RNF152: variants seen among roughly 807,000 people sequenced by gnomAD.
RNF152 encodes ring finger protein 152, also known as E3 ubiquitin-protein ligase RNF152.
RNF152 carries 11 observed loss-of-function variants against 12.7 expected under a neutral mutation model. The ratio of observed to expected loss-of-function variants is 0.86; its 90% CI spans 0.54 to 1.43. RNF152 has a LOEUF of 1.43. RNF152 is among the 40% of genes most tolerant of loss of function. The probability of loss-of-function intolerance (pLI) is 0.00; values close to 1 mark genes in which losing one functional copy is unlikely to be tolerated. For synonymous variants in RNF152, 113 were observed against 120.3 expected (o/e 0.94, Z 0.40); for missense variants, 255 against 274.8 (o/e 0.93, Z 0.51).
chr18:61,871,773 G>C (rs1912007398), intron 1 of RNF152, among the ~76,000 whole-genome samples: 1 of 152,068 alleles, frequency 6.6e-6, no homozygotes, highest in Non-Finnish European at 1.5e-5. Context: ...CAGAGCCCTT[G>C]GTCTATCAAG....
intron 1 of RNF152, among the ~76,000 whole-genome samples, chr18:61,876,068 G>A (rs1912201015): frequency 6.6e-6 from 1 of 151,900 alleles, no homozygotes; most frequent in Non-Finnish European, 1.5e-5. Flanking sequence ...CATACTACCA[G>A]TCCCAGTCAT....
At chr18:61,816,904 G>A (rs1474000741) in intron 1 of RNF152, among the ~76,000 whole-genome samples, 1 of 152,184 alleles carries the variant, frequency 6.6e-6, no homozygotes, top group Non-Finnish European at 1.5e-5. Context: ...GTACATTTAA[G>A]CAAGCTCTGG....
intron 1 of RNF152, among the ~76,000 whole-genome samples, chr18:61,854,009 G>A (rs1770616162): frequency 6.6e-6 from 1 of 152,148 alleles, no homozygotes. Flanking sequence ...GTCCAGGGTT[G>A]ACTTGCCCAG....
chr18:61,880,559 C>T (rs1057171324), intron 1 of RNF152, among the ~76,000 whole-genome samples: 32 of 152,290 alleles, frequency 2.1e-4, no homozygotes, highest in Non-Finnish European at 4.3e-4. Flanking sequence ...AGCACCCAAG[C>T]GTCTAATAAA....
chr18:61,821,767 T>A (rs946593651), intron 1 of RNF152, among the ~76,000 whole-genome samples: 1 of 152,230 alleles, frequency 6.6e-6, no homozygotes, highest in East Asian at 1.9e-4. Context: ...AGATCAGCGA[T>A]GGCATTAGAT....
chr18:61,842,528 T>G (rs546842119), intron 1 of RNF152, among the ~76,000 whole-genome samples: 14 of 152,360 alleles, frequency 9.2e-5, no homozygotes, highest in South Asian at 6.2e-4. Flanking sequence ...CAAGAGACTC[T>G]TCTCTGGCCT....
At chr18:61,851,165 C>A (rs143663791) in intron 1 of RNF152, among the ~76,000 whole-genome samples, 24 of 152,162 alleles carry the variant, frequency 1.6e-4, no homozygotes, top group African/African-American at 5.5e-4. Context: ...ACCTTTCTGA[C>A]CCATCAGAAA....
intron 1 of RNF152, among the ~76,000 whole-genome samples, chr18:61,833,531 T>C (rs1910045455): frequency 6.6e-6 from 1 of 152,172 alleles, no homozygotes; most frequent in Admixed American, 6.6e-5. Flanking sequence ...TCTAATGGAA[T>C]ATCAATGAAA....
chr18:61,832,251 G>A (rs770192536), intron 1 of RNF152, among the ~76,000 whole-genome samples: 2 of 152,172 alleles, frequency 1.3e-5, no homozygotes, highest in Non-Finnish European at 2.9e-5. Context: ...TTTCAGATGT[G>A]CACAAGTAGG....
chr18:61,862,081 T>C (rs1197225603), intron 1 of RNF152, among the ~76,000 whole-genome samples: 1 of 152,154 alleles, frequency 6.6e-6, no homozygotes, highest in Admixed American at 6.5e-5. Context: ...CTGGACATTC[T>C]AATTCAGGTC....
Position 61,828,988 on chromosome 18 carries a change from C to T in RNF152, c.-135-12390G>A, listed in dbSNP as rs188317979. ...AGGAAGGATTTTTCAAGAAAAAGTA[C>T]CATTTCAATGTCAAGGGTGAGGACT... On this transcript the variant is annotated intron_variant, in intron 1 of 1. Coordinates refer to ENST00000312828, the MANE Select transcript of RNF152 (RefSeq NM_173557.3). Among the ~76,000 whole-genome samples, 14 of 152,178 alleles carry T rather than the reference C, an allele frequency of 9.2e-5. No homozygotes were observed. In the East Asian group the frequency reaches 2.7e-3, roughly 29 times the overall value.
intron 1 of RNF152, among the ~76,000 whole-genome samples, chr18:61,859,212 G>A (rs1440231114): frequency 1.3e-5 from 2 of 152,148 alleles, no homozygotes; most frequent in African/African-American, 4.8e-5. Flanking sequence ...CAAACCAATT[G>A]TTTCAAATAA....
chr18:61,837,581 T>C (rs767689899), intron 1 of RNF152, among the ~76,000 whole-genome samples: 2 of 152,206 alleles, frequency 1.3e-5, no homozygotes, highest in African/African-American at 2.4e-5. Flanking sequence ...TTAATTACTA[T>C]GGACTTATCT....
At chr18:61,885,803 C>G (rs1187219314) in intron 1 of RNF152, among the ~76,000 whole-genome samples, 1 of 151,914 alleles carries the variant, frequency 6.6e-6, no homozygotes, top group Non-Finnish European at 1.5e-5. Context: ...GGTATTGAAG[C>G]CTTTAATTAT....
intron 1 of RNF152, among the ~76,000 whole-genome samples, chr18:61,863,034 A>C (rs1430308890): frequency 1.3e-5 from 2 of 152,228 alleles, no homozygotes; most frequent in African/African-American, 4.8e-5. Context: ...CACACAGCCC[A>C]AAATACTATC....
At chr18:61,883,018 C>T (rs909495410) in intron 1 of RNF152, among the ~76,000 whole-genome samples, 29 of 152,152 alleles carry the variant, frequency 1.9e-4, no homozygotes, top group Admixed American at 1.1e-3. Context: ...TCAGCTCATA[C>T]ATAAACACAC....
chr18:61,812,086 C>T lies in RNF152; in HGVS notation c.*3766G>A, dbSNP rs1908831390. On this transcript the variant is annotated 3_prime_UTR_variant, in exon 2 of 2. Coordinates refer to ENST00000312828, the MANE Select transcript of RNF152 (RefSeq NM_173557.3). ...AGCCCACAAACTCTCACCTTAGCCTCACTGTTACTCCATTAATACCTTGAT... is the reference window on the plus strand; with the variant it reads ...AGCCCACAAACTCTCACCTTAGCCTTACTGTTACTCCATTAATACCTTGAT... The T allele has an allele frequency of 6.6e-6, 1 of 152,180 alleles. No individual in the cohort carries two copies. The highest frequency in any genetic ancestry group is 1.9e-4 in the East Asian group (1 of 5,200). 9.4% of individuals were successfully genotyped at this position (152,180 alleles called of 1,614,324 possible). A position where few individuals can be genotyped will look rare whatever the true frequency, so the allele number is the denominator to read the frequency against.
intron 1 of RNF152, among the ~76,000 whole-genome samples, chr18:61,863,305 C>T (rs1231524158): frequency 1.3e-5 from 2 of 151,970 alleles, no homozygotes; most frequent in Non-Finnish European, 1.5e-5. Context: ...CGTGGTGACA[C>T]ACGCCTGTAG....
intron 1 of RNF152, among the ~76,000 whole-genome samples, chr18:61,844,093 A>AGAAG (rs780848925): frequency 1.7e-4 from 19 of 111,536 alleles, no homozygotes; most frequent in African/African-American, 5.6e-4. Context: ...AAAGAAAGAA[A>AGAAG]GAAAGAAAGA....
Sources: allele counts gnomAD v4.1 joint callset (sites outside exome capture counted in the v4.1 genomes callset), GRCh38; gene constraint gnomAD v4.1.1; transcripts MANE v1.5; gene names NCBI Gene and HGNC (gene_info 2026-07-23, HGNC 2026-07-21).